Variants in CCDC7 observed in about 807,000 individuals in gnomAD.
CCDC7 encodes the protein coiled-coil domain containing 7.
Under a neutral mutation model 196.9 loss-of-function variants are expected in CCDC7, and 183 were observed. That is an observed-to-expected ratio of 0.93 (90% confidence interval 0.82 to 1.05). The LOEUF is 1.05. Among genes scored for constraint, CCDC7 ranks in the 50% least tolerant of loss-of-function variants. The probability of loss-of-function intolerance (pLI) is 0.00; values close to 1 mark genes in which losing one functional copy is unlikely to be tolerated. For missense variants in CCDC7, 1,540 were observed against 1,482.2 expected, an observed-to-expected ratio of 1.04 and a Z score of -0.64; for synonymous variants, 525 against 484.6, an observed-to-expected ratio of 1.08 and a Z score of -1.10.
At chr10:32,628,468 G>T (rs2064367162) in intron 18 of CCDC7, among the ~76,000 whole-genome samples, 1 of 151,570 alleles carries the variant, frequency 6.6e-6, no homozygotes, top group Non-Finnish European at 1.5e-5. Context: ...TAGTTTCATT[G>T]TTCTTTTGTA....
intron 9 of CCDC7, among the ~76,000 whole-genome samples, chr10:32,495,283 G>A (rs2042741823): frequency 6.6e-6 from 1 of 152,106 alleles, no homozygotes; most frequent in Non-Finnish European, 1.5e-5. Context: ...GTAGATTCTG[G>A]ATATTAGCCC....
intron 8 of CCDC7, among the ~76,000 whole-genome samples, chr10:32,484,817 T>G (rs1168217012): frequency 6.6e-6 from 1 of 152,220 alleles, no homozygotes; most frequent in East Asian, 1.9e-4. Context: ...TTTGTGCATG[T>G]TGAACCAGCC....
At chr10:32,828,489 G>GAAGAAGAAGAAGAAGAAGAAGAAC (rs2091638106) in intron 32 of CCDC7, among the ~76,000 whole-genome samples, 1 of 60,852 alleles carries the variant, frequency 1.6e-5, no homozygotes, top group South Asian at 6.3e-4. Flanking sequence ...GGAAGAGGAA[G>GAAGAAGAAGAAGAAGAAGAAGAAC]AAGAAGAAGA....
chr10:32,865,402 T>TAC (rs57916933), intron 41 of CCDC7, among the ~76,000 whole-genome samples: 6,735 of 148,870 alleles, frequency 0.045, 467 homozygotes, highest in African/African-American at 0.15. Context: ...ACTCCTATTA[T>TAC]ACACACACAC....
chr10:32,486,803 A>C (rs1420876948), intron 8 of CCDC7, among the ~76,000 whole-genome samples: 1 of 151,132 alleles, frequency 6.6e-6, no homozygotes, highest in East Asian at 1.9e-4. Context: ...TTTCTTTAAG[A>C]ATGTTGAATA....
chr10:32,718,249 C>T (rs2081917103), intron 25 of CCDC7, among the ~76,000 whole-genome samples: 1 of 152,098 alleles, frequency 6.6e-6, no homozygotes. Context: ...CAATAAATGC[C>T]ATCAGTCACA....
At chr10:32,576,962 C>G (rs1165663164) in intron 16 of CCDC7, among the ~76,000 whole-genome samples, 3 of 152,084 alleles carry the variant, frequency 2.0e-5, no homozygotes, top group Non-Finnish European at 2.9e-5. Context: ...CCTTTAGATT[C>G]AGTTCTTTCT....
At chr10:32,605,187 G>A (rs1239657347) in intron 18 of CCDC7, among the ~76,000 whole-genome samples, 6 of 152,072 alleles carry the variant, frequency 3.9e-5, no homozygotes, top group African/African-American at 1.2e-4. Context: ...ATGATTGTAA[G>A]CAGCCCAAGG....
intron 21 of CCDC7, among the ~76,000 whole-genome samples, chr10:32,684,257 C>G (rs921181272): frequency 6.6e-6 from 1 of 152,298 alleles, no homozygotes; most frequent in East Asian, 1.9e-4. Context: ...CTTGGCAGAG[C>G]TATGGCAGCT....
chr10:32,570,850 G>T (rs926860748), intron 15 of CCDC7, among the ~76,000 whole-genome samples: 15 of 152,190 alleles, frequency 9.9e-5, no homozygotes, highest in African/African-American at 3.4e-4. Context: ...GGGGAATAAG[G>T]ATAAAACCAG....
chr10:32,449,268 A>G (rs746143509), upstream of CCDC7, among the ~76,000 whole-genome samples: 1 of 151,888 alleles, frequency 6.6e-6, no homozygotes, highest in South Asian at 2.1e-4. Context: ...GCTCACTGCA[A>G]CCTCTACCTC....
intron 18 of CCDC7, among the ~76,000 whole-genome samples, chr10:32,607,723 T>C (rs2061683838): frequency 6.6e-6 from 1 of 152,188 alleles, no homozygotes; most frequent in Non-Finnish European, 1.5e-5. Context: ...TTGAATTTGG[T>C]TTGCTACTAT....
intron 37 of CCDC7, among the ~76,000 whole-genome samples, chr10:32,846,933 T>G (rs1437044902): frequency 2.0e-5 from 3 of 152,222 alleles, no homozygotes; most frequent in Non-Finnish European, 4.4e-5. Flanking sequence ...TTATTTGTGT[T>G]ACATAATTCA....
chr10:32,723,097 G>A (rs989903298), intron 25 of CCDC7, among the ~76,000 whole-genome samples: 5 of 152,072 alleles, frequency 3.3e-5, no homozygotes, highest in African/African-American at 1.2e-4. Context: ...AGACCACCCT[G>A]TAGGGCCCCA....
At position 32,685,968 on chromosome 10, in the gene CCDC7, A is replaced by T; in HGVS notation, c.2123-2A>T. On this transcript the variant is annotated splice_acceptor_variant, in intron 21 of 41. Coordinates refer to ENST00000639629, the Ensembl canonical transcript of CCDC7. LOFTEE classifies it high-confidence loss of function. ...TGGAATAAATGTATTTTCTTTATGT[A>T]GCTCATAATGAAGTACCAAATGAAA... The T allele has an allele frequency of 6.6e-7, 1 of 1,505,244 alleles. No individual in the cohort carries two copies. Among genetic ancestry groups the T allele is most frequent in the Non-Finnish European group, 9.0e-7 (1 of 1,108,530 alleles). The allele number at this position is 1,505,244 out of a possible 1,614,324, so 93.2% of individuals were successfully genotyped here. A position where few individuals can be genotyped will look rare whatever the true frequency, so the allele number is the denominator to read the frequency against.
chr10:32,453,141 G>A (rs1374331637), intron 1 of CCDC7, among the ~76,000 whole-genome samples: 1 of 152,112 alleles, frequency 6.6e-6, no homozygotes, highest in African/African-American at 2.4e-5. Flanking sequence ...CTATTGCTAG[G>A]GAGTAGGGTT....
chr10:32,652,332 G>A (rs72782241), intron 20 of CCDC7, among the ~76,000 whole-genome samples: 13,409 of 151,844 alleles, frequency 0.088, 863 homozygotes, highest in East Asian at 0.33. Context: ...TTTCTATAGG[G>A]CACATATACT....
chr10:32,570,420 A>T (rs1244335321), intron 15 of CCDC7, among the ~76,000 whole-genome samples: 8 of 152,192 alleles, frequency 5.3e-5, no homozygotes, highest in African/African-American at 1.9e-4. Context: ...GTTATTTATT[A>T]GTTAGTATAT....
chr10:32,559,232 C>T (rs1589865441), intron 13 of CCDC7, among the ~76,000 whole-genome samples: 2 of 152,358 alleles, frequency 1.3e-5, no homozygotes, highest in East Asian at 1.9e-4. Context: ...TAGGCTCCAC[C>T]TCTGGGGGCA....
Sources: gnomAD v4.1 joint callset for allele counts (sites outside exome capture counted in the v4.1 genomes callset) on GRCh38, gnomAD v4.1.1 for gene constraint, MANE v1.5 for transcripts, NCBI Gene and HGNC (gene_info 2026-07-23, HGNC 2026-07-21) for gene names.